ARL6: variants seen among roughly 807,000 people sequenced by gnomAD.
ARL6 encodes the protein ARF like GTPase 6.
In ARL6, 18 loss-of-function variants were observed where a neutral mutation model predicts 27.1. That is an observed-to-expected ratio of 0.66 (90% CI 0.46 to 0.98). ARL6 has a LOEUF of 0.98. Ranked by LOEUF, ARL6 falls within the 50% of genes least tolerant of loss-of-function variation. The pLI is 0.00. For missense variants in ARL6, 187 were observed against 214.9 expected, an observed-to-expected ratio of 0.87 and a Z score of 0.81; for synonymous variants, 65 against 72.3, an observed-to-expected ratio of 0.90 and a Z score of 0.51.
In ARL6 at chr3:97,768,345, ACCTT is replaced by A. The variant is rs1159923644; in HGVS notation, c.123+116_123+119del. The A allele has an allele frequency of 1.1e-5, 12 of 1,057,208 alleles. No individual in the cohort carries two copies. The Admixed American group carries it at 2.4e-4, about 21-fold the overall frequency. The allele number at this position is 1,057,208 out of a possible 1,614,324, so 65.5% of individuals were successfully genotyped here. Reference sequence around the variant, plus strand: ...ATAATCACATTAAGATATTCTGTTAACCTTTCAGTACCTTTAAGTATCCTCAGCC... The same window carrying A: ...ATAATCACATTAAGATATTCTGTTAATCAGTACCTTTAAGTATCCTCAGCC... On this transcript the variant is annotated intron_variant, in intron 2 of 7. Transcript: ENST00000463745.
At chr3:97,796,398 A>G (rs944778088) in intron 7 of ARL6, among the ~76,000 whole-genome samples, 2 of 152,124 alleles carry the variant, frequency 1.3e-5, no homozygotes, top group Non-Finnish European at 2.9e-5. Context: ...TAGTTTTAAA[A>G]AGATGATAAA....
chr3:97,794,534 G>A (rs537052042), intron 7 of ARL6, among the ~76,000 whole-genome samples: 73 of 151,950 alleles, frequency 4.8e-4, no homozygotes, highest in African/African-American at 1.6e-3. Flanking sequence ...TATTTTCTGT[G>A]TAATAACAAA....
chr3:97,784,938 T>C lies in ARL6; in HGVS notation c.255-17T>C. ...ATAAGTAAAGCTTTAATTTTTCTTT[T>C]TCTTTACATTACACAGAGAAGGCCA... On this transcript the variant is annotated splice_polypyrimidine_tract_variant and intron_variant, in intron 4 of 7. Transcript: ENST00000463745. 1 of 1,586,578 alleles carries C rather than the reference T, an allele frequency of 6.3e-7. No homozygotes were observed. The highest frequency in any genetic ancestry group is 8.7e-7 in the Non-Finnish European group (1 of 1,155,762).
At chr3:97,797,927 A>C in intron 7 of ARL6, 97 bp from the exon 8 acceptor site, 1 of 1,138,400 alleles carries the variant, frequency 8.8e-7, no homozygotes, top group Non-Finnish European at 1.3e-6. Context: ...TGTATACATA[A>C]GTTTCCAACA....
Position 97,775,359 on chromosome 3 carries a change from C to T in ARL6, c.124-4800C>T, listed in dbSNP as rs149148165. Among the ~76,000 whole-genome samples the T allele has an allele frequency of 3.3e-3, 502 of 152,234 alleles. 3 individuals carry two copies. The highest frequency in any genetic ancestry group is 5.1e-3 in the Non-Finnish European group (348 of 68,000). On this transcript the variant is annotated intron_variant, in intron 2 of 7. Coordinates refer to ENST00000463745, the MANE Select transcript of ARL6 (RefSeq NM_001278293.3). ...AGGAGCAAGGAAACCGGTCCGAGTCCCAAAACTGAAGAACTTGAAGTCTGA... is the reference window on the plus strand; with the variant it reads ...AGGAGCAAGGAAACCGGTCCGAGTCTCAAAACTGAAGAACTTGAAGTCTGA...
rs530196073 is a variant in ARL6, at chr3:97,792,098, G to GT, written c.535+274dup. On this transcript the variant is annotated intron_variant, in intron 7 of 7. Coordinates refer to ENST00000463745, the MANE Select transcript of ARL6 (RefSeq NM_001278293.3). ...AAACAATTTAAACTTATAGCAACAAGTTCCTGTCAGATCTAGTAATAGAAG... is the reference window on the plus strand; with the variant it reads ...AAACAATTTAAACTTATAGCAACAAGTTTCCTGTCAGATCTAGTAATAGAAG... The GT allele has an allele frequency of 2.0e-4, 76 of 376,176 alleles. 1 individual carries two copies. The East Asian group carries it at 3.5e-3, about 18-fold the overall frequency. 23.3% of individuals were successfully genotyped at this position (376,176 alleles called of 1,614,324 possible). A position where few individuals can be genotyped will look rare whatever the true frequency, so the allele number is the denominator to read the frequency against.
Position 97,798,132 on chromosome 3 carries a change from T to G in ARL6, c.*83T>G. On this transcript the variant is annotated 3_prime_UTR_variant, in exon 8 of 8. Transcript: ENST00000463745. ...ATAGAATACATTTTGTAAAAGATGT[T>G]TATGCATCAAAAAATATAATTTTCT... 7.3e-7 allele frequency: 1 copy of G among 1,366,566 alleles called. No individual in the cohort carries two copies. Among genetic ancestry groups the G allele is most frequent in the Non-Finnish European group, 1.0e-6 (1 of 961,996 alleles). 84.7% of individuals were successfully genotyped at this position (1,366,566 alleles called of 1,614,324 possible).
chr3:97,764,564 G>T (rs954976901), upstream of ARL6: 3 of 152,328 alleles, frequency 2.0e-5, no homozygotes, highest in African/African-American at 7.2e-5. Flanking sequence ...CTCCTCGCAG[G>T]AAATAGGCAG....
At chr3:97,782,361 T>C (rs1463344386) in intron 4 of ARL6, among the ~76,000 whole-genome samples, 3 of 151,984 alleles carry the variant, frequency 2.0e-5, no homozygotes, top group Non-Finnish European at 4.4e-5. Context: ...ACTCCTTTTT[T>C]CTTTGTACTG....
rs543376640 is a variant in ARL6 at position 97,774,662 on chromosome 3, C to G, written c.124-5497C>G. The stretch of plus-strand genomic sequence containing the variant: ...GTCCCATTCTTTTCCAATCAATGCC[C>G]TCACTTCAACAGTAGGTACCTGGCG... On this transcript the variant is annotated intron_variant, in intron 2 of 7. Transcript: ENST00000463745. Among the ~76,000 whole-genome samples the G allele has an allele frequency of 7.2e-5, 11 of 152,204 alleles. No individual in the cohort carries two copies. In the South Asian group the frequency reaches 2.1e-3, roughly 29 times the overall value.
chr3:97,797,316 A>G (rs1340683966), intron 7 of ARL6, among the ~76,000 whole-genome samples: 1 of 152,178 alleles, frequency 6.6e-6, no homozygotes, highest in Non-Finnish European at 1.5e-5. Flanking sequence ...AATTAAATAG[A>G]TGAGTTGGAT....
intron 4 of ARL6, among the ~76,000 whole-genome samples, chr3:97,783,756 TATG>T (rs2037315010): frequency 6.6e-6 from 1 of 151,790 alleles, no homozygotes; most frequent in African/African-American, 2.4e-5. Context: ...ATACTTAATT[TATG>T]ATTAAGTGAT....
In ARL6 at chr3:97,791,761, T is replaced by A; in HGVS notation, c.480-10T>A. ...TGAGATGGCTATGTTTCTTATGGAT[T>A]TCATTTCAGTGCTAGTGATGCCATA... On this transcript the variant is annotated splice_polypyrimidine_tract_variant and intron_variant, in intron 6 of 7. Coordinates refer to ENST00000463745, the MANE Select transcript of ARL6 (RefSeq NM_001278293.3). The A allele has an allele frequency of 6.8e-6, 11 of 1,613,218 alleles. No homozygotes were observed. The highest frequency in any genetic ancestry group is 8.5e-6 in the Non-Finnish European group (10 of 1,179,372).
At chr3:97,779,480 T>A (rs1220029455) in intron 2 of ARL6, among the ~76,000 whole-genome samples, 1 of 152,106 alleles carries the variant, frequency 6.6e-6, no homozygotes, top group Non-Finnish European at 1.5e-5. Flanking sequence ...TGTGTTCTAT[T>A]TACATCTTCT....
At chr3:97,769,201 AT>A (rs1442696643) in intron 2 of ARL6, among the ~76,000 whole-genome samples, 1 of 152,070 alleles carries the variant, frequency 6.6e-6, no homozygotes, top group African/African-American at 2.4e-5. Context: ...AGTTTTTCAT[AT>A]TAAGCTATCT....
intron 5 of ARL6, among the ~76,000 whole-genome samples, chr3:97,786,274 G>A (rs1368810700): frequency 1.3e-5 from 2 of 151,988 alleles, no homozygotes; most frequent in African/African-American, 4.8e-5. Flanking sequence ...GAACCTGGAA[G>A]GTGGAGGTTG....
At chr3:97,783,791 T>C (rs982557946) in intron 4 of ARL6, among the ~76,000 whole-genome samples, 1 of 151,806 alleles carries the variant, frequency 6.6e-6, no homozygotes, top group Admixed American at 6.6e-5. Flanking sequence ...AGTACAGATG[T>C]CCAATAAATA....
intron 2 of ARL6, among the ~76,000 whole-genome samples, chr3:97,778,288 T>C (rs1435200515): frequency 6.6e-6 from 1 of 152,094 alleles, no homozygotes; most frequent in African/African-American, 2.4e-5. Context: ...AAAAATATAT[T>C]TTTGGAAAAA....
chr3:97,783,461 T>C (rs1213284256), intron 4 of ARL6, among the ~76,000 whole-genome samples: 1 of 151,882 alleles, frequency 6.6e-6, no homozygotes, highest in African/African-American at 2.4e-5. Flanking sequence ...ATGAAGGCTA[T>C]TCTGTTTTTG....
Sources: allele counts gnomAD v4.1 joint callset (sites outside exome capture counted in the v4.1 genomes callset), GRCh38; gene constraint gnomAD v4.1.1; transcripts MANE v1.5; gene names NCBI Gene and HGNC (gene_info 2026-07-23, HGNC 2026-07-21).